The following CACNB2 variants were observed in gnomAD, a reference collection of about 807,000 sequenced individuals.
CACNB2 encodes voltage-dependent L-type calcium channel subunit beta-2.
Under a neutral mutation model 73.3 loss-of-function variants are expected in CACNB2, and 42 were observed. The observed-to-expected ratio is 0.57, with a 90% CI of 0.45 to 0.74. CACNB2 has a LOEUF of 0.74. Ranked by LOEUF, CACNB2 falls within the 30% of genes least tolerant of loss-of-function variation. The pLI, the probability that CACNB2 is intolerant of heterozygous loss-of-function variation, is 0.00. For synonymous variants in CACNB2, 348 were observed against 310.3 expected (o/e 1.12, Z -1.28); for missense variants, 940 against 853.0 (o/e 1.10, Z -1.27).
At chr10:18,189,243 C>T (rs1041155674) in intron 2 of CACNB2, among the ~76,000 whole-genome samples, 11 of 152,018 alleles carry the variant, frequency 7.2e-5, no homozygotes, top group East Asian at 1.9e-4. Context: ...GGCTCTTAAA[C>T]GAGAATTTAA....
intron 3 of CACNB2, among the ~76,000 whole-genome samples, chr10:18,485,558 C>CTTT (rs34707498): frequency 2.0e-4 from 26 of 129,256 alleles, no homozygotes; most frequent in East Asian, 2.0e-3. Flanking sequence ...CTCTCTCTCT[C>CTTT]TTTTTTTTTT....
chr10:18,289,070 A>C (rs969336023), intron 2 of CACNB2, among the ~76,000 whole-genome samples: 7 of 152,004 alleles, frequency 4.6e-5, no homozygotes, highest in Non-Finnish European at 8.8e-5. Context: ...AAAGTAAAAA[A>C]ATTTTTCTCC....
intron 3 of CACNB2, among the ~76,000 whole-genome samples, chr10:18,426,938 A>T (rs1258763239): frequency 1.4e-5 from 2 of 142,198 alleles, no homozygotes; most frequent in African/African-American, 5.3e-5. Context: ...GAATTTTATC[A>T]AATGTCCCTT....
At position 18,265,149 on chromosome 10, in the gene CACNB2, C is replaced by CTTT. The variant is rs34442607; in HGVS notation, c.213+114191_213+114193dup. On this transcript the variant is annotated intron_variant, in intron 2 of 13. Transcript: ENST00000324631. ...TATTTATTGACCATTTGGCCATCTT[C>CTTT]TTTTTTTTTTTTTTTTTTTGAGATG... Among the ~76,000 whole-genome samples the CTTT allele has an allele frequency of 7.8e-4, 94 of 120,930 alleles. 1 individual carries two copies. The highest frequency in any genetic ancestry group is 1.7e-3 in the East Asian group (7 of 4,008). The allele number at this position is 120,930 out of a possible 152,430, so 79.3% of individuals were successfully genotyped here. A position where few individuals can be genotyped will look rare whatever the true frequency, so the allele number is the denominator to read the frequency against.
intron 2 of CACNB2, among the ~76,000 whole-genome samples, chr10:18,220,110 AAT>A (rs1165921150): frequency 0.023 from 744 of 32,646 alleles, 8 homozygotes; most frequent in Non-Finnish European, 0.027. Flanking sequence ...TTTATTTTTT[AAT>A]ATATATATAT....
At chr10:18,167,209 A>G (rs562908888) in intron 2 of CACNB2, among the ~76,000 whole-genome samples, 1 of 152,242 alleles carries the variant, frequency 6.6e-6, no homozygotes, top group South Asian at 2.1e-4. Context: ...AAAATCAAAC[A>G]CTGCATGTTC....
At chr10:18,306,054 C>T (rs144712124) in intron 2 of CACNB2, among the ~76,000 whole-genome samples, 291 of 152,166 alleles carry the variant, frequency 1.9e-3, no homozygotes, top group African/African-American at 6.8e-3. Context: ...AGTAAGGGTG[C>T]AGAACATTTC....
At chr10:18,455,842 T>C (rs376487805) in intron 3 of CACNB2, among the ~76,000 whole-genome samples, 25 of 152,340 alleles carry the variant, frequency 1.6e-4, no homozygotes, top group African/African-American at 6.0e-4. Context: ...CAGAATTTCT[T>C]TTCATTAGCT....
intron 3 of CACNB2, among the ~76,000 whole-genome samples, chr10:18,442,984 A>ACG (rs1554820346): frequency 5.2e-5 from 1 of 19,298 alleles, no homozygotes; most frequent in Non-Finnish European, 7.8e-5. Context: ...ATATATATAT[A>ACG]TGTATATATA....
In CACNB2 at chr10:18,410,936, C is replaced by T. The variant is rs561177364; in HGVS notation, c.333+8893C>T. Among the ~76,000 whole-genome samples, 376 of 152,082 alleles carry T rather than the reference C, an allele frequency of 2.5e-3. 5 individuals carry two copies. The highest frequency in any genetic ancestry group is 8.6e-3 in the African/African-American group (358 of 41,474). On this transcript the variant is annotated intron_variant, in intron 3 of 13. Transcript: ENST00000324631. The stretch of plus-strand genomic sequence containing the variant: ...CAGAGGTTGCAGTGAGCTGAGATCA[C>T]GCCACTGCACTCCAGCCTGGGCGAC...
rs537161124 is a variant in CACNB2 at position 18,387,464 on chromosome 10, C to CA, written c.214-14453dup. ...TCTGGGATTGGGGAACAGAGGTAAA[C>CA]AAAAAAAGCTCCCTGCCCTCCTTTG... On this transcript the variant is annotated intron_variant, in intron 2 of 13. Coordinates refer to ENST00000324631, the MANE Select transcript of CACNB2 (RefSeq NM_201596.3). Among the ~76,000 whole-genome samples, 12 of 152,024 alleles carry CA rather than the reference C, an allele frequency of 7.9e-5. No homozygotes were observed. In the East Asian group the frequency reaches 1.5e-3, roughly 20 times the overall value.
chr10:18,434,878 C>G (rs960541407), intron 3 of CACNB2, among the ~76,000 whole-genome samples: 2 of 152,120 alleles, frequency 1.3e-5, no homozygotes, highest in Admixed American at 1.3e-4. Context: ...TTGAAAAATT[C>G]CAATCTACCA....
chr10:18,423,809 T>C (rs1315104666), intron 3 of CACNB2, among the ~76,000 whole-genome samples: 1 of 152,198 alleles, frequency 6.6e-6, no homozygotes, highest in Non-Finnish European at 1.5e-5. Flanking sequence ...AGCTGAAGAA[T>C]AAAATGCAAT....
At chr10:18,295,713 TTTTGGAG>T (rs1190793798) in intron 2 of CACNB2, among the ~76,000 whole-genome samples, 1 of 152,198 alleles carries the variant, frequency 6.6e-6, no homozygotes, top group East Asian at 1.9e-4. Context: ...GAACTCAGAA[TTTTGGAG>T]TTTGCTTTCT....
intron 9 of CACNB2, among the ~76,000 whole-genome samples, chr10:18,525,161 C>G (rs2052346277): frequency 6.6e-6 from 1 of 151,992 alleles, no homozygotes; most frequent in African/African-American, 2.4e-5. Flanking sequence ...GACATTCTAG[C>G]CTGTTGCAGT....
At chr10:18,413,924 G>C (rs1245622418) in intron 3 of CACNB2, among the ~76,000 whole-genome samples, 1 of 152,254 alleles carries the variant, frequency 6.6e-6, no homozygotes, top group Admixed American at 6.5e-5. Context: ...GAGCAGTTCA[G>C]GGTGTTGTGA....
At chr10:18,176,421 G>A (rs1017277118) in intron 2 of CACNB2, among the ~76,000 whole-genome samples, 3 of 152,124 alleles carry the variant, frequency 2.0e-5, no homozygotes, top group South Asian at 2.1e-4. Context: ...GGAGTTTAGT[G>A]TAGGAACATA....
At chr10:18,418,889 G>A (rs747367381) in intron 3 of CACNB2, among the ~76,000 whole-genome samples, 2 of 152,144 alleles carry the variant, frequency 1.3e-5, no homozygotes, top group South Asian at 2.1e-4. Flanking sequence ...TGGCTTTCTC[G>A]TTTCATTCCC....
At chr10:18,386,651 C>G (rs1282782172) in intron 2 of CACNB2, among the ~76,000 whole-genome samples, 1 of 152,094 alleles carries the variant, frequency 6.6e-6, no homozygotes, top group Non-Finnish European at 1.5e-5. Context: ...CGTGATCCAC[C>G]CATCTCAGCC....
Sources: allele counts gnomAD v4.1 joint callset (sites outside exome capture counted in the v4.1 genomes callset), GRCh38; gene constraint gnomAD v4.1.1; transcripts MANE v1.5; gene names NCBI Gene and HGNC (gene_info 2026-07-23, HGNC 2026-07-21).